Variants in TMEM45A observed in about 807,000 individuals in gnomAD.
The protein encoded by TMEM45A is DNA polymerase-transactivated protein 4.
In TMEM45A, 25 loss-of-function variants were observed where a neutral mutation model predicts 32.0. That is an observed-to-expected ratio of 0.78 (90% CI 0.57 to 1.09). TMEM45A has a LOEUF of 1.09. Among genes scored for constraint, TMEM45A ranks in the 50% least tolerant of loss-of-function variants. The probability of loss-of-function intolerance (pLI) is 0.00; values close to 1 mark genes in which losing one functional copy is unlikely to be tolerated. For missense variants in TMEM45A, 302 were observed against 325.0 expected, an observed-to-expected ratio of 0.93 and a Z score of 0.54; for synonymous variants, 122 against 114.8, an observed-to-expected ratio of 1.06 and a Z score of -0.40.
intron 1 of TMEM45A, among the ~76,000 whole-genome samples, chr3:100,496,669 A>G (rs1296839671): frequency 6.6e-6 from 1 of 152,234 alleles, no homozygotes; most frequent in Non-Finnish European, 1.5e-5. Context: ...TGTGCTCCAT[A>G]TGGAGACAGG....
intron 1 of TMEM45A, among the ~76,000 whole-genome samples, chr3:100,508,248 G>T (rs1379901935): frequency 6.6e-6 from 1 of 152,060 alleles, no homozygotes; most frequent in African/African-American, 2.4e-5. Context: ...CTCAGAGAGG[G>T]ATTTCACCAT....
At chr3:100,523,349 A>G (rs1705472105) in intron 1 of TMEM45A, among the ~76,000 whole-genome samples, 1 of 152,190 alleles carries the variant, frequency 6.6e-6, no homozygotes, top group Non-Finnish European at 1.5e-5. Flanking sequence ...TTACATTTAA[A>G]CAGAGCTATG....
In TMEM45A at chr3:100,577,234, A is replaced by G. The variant is rs1406473590; in HGVS notation, c.*216A>G. 2.3e-6 allele frequency: 1 copy of G among 440,476 alleles called. No homozygotes were observed. The highest frequency in any genetic ancestry group is 4.0e-6 in the Non-Finnish European group (1 of 248,740). The allele number at this position is 440,476 out of a possible 1,614,324, so 27.3% of individuals were successfully genotyped here. ...TACTTTCATTTTGCACATCATGCACATCATGGTATTCAGGGGCTAGAGTGA... is the reference window on the plus strand; with the variant it reads ...TACTTTCATTTTGCACATCATGCACGTCATGGTATTCAGGGGCTAGAGTGA... On this transcript the variant is annotated 3_prime_UTR_variant, in exon 6 of 6. Transcript: ENST00000323523.
intron 4 of TMEM45A, among the ~76,000 whole-genome samples, chr3:100,564,815 C>G (rs543715956): frequency 1.1e-4 from 16 of 152,268 alleles, no homozygotes; most frequent in African/African-American, 3.6e-4. Flanking sequence ...GCAGGCCAGA[C>G]AAAGCATGTC....
chr3:100,496,303 G>A (rs570596889), intron 1 of TMEM45A, among the ~76,000 whole-genome samples: 4 of 152,188 alleles, frequency 2.6e-5, no homozygotes, highest in East Asian at 3.8e-4. Flanking sequence ...CATGGAGAAC[G>A]TTCTGATGAT....
intron 4 of TMEM45A, among the ~76,000 whole-genome samples, chr3:100,565,866 A>G (rs1207335839): frequency 1.3e-5 from 2 of 152,102 alleles, no homozygotes; most frequent in African/African-American, 2.4e-5. Flanking sequence ...CATCAGCTCT[A>G]TCTGTTCCAA....
intron 5 of TMEM45A, chr3:100,573,665 TC>T (rs1706619933): frequency 6.6e-6 from 1 of 152,182 alleles, no homozygotes; most frequent in African/African-American, 2.4e-5. Flanking sequence ...AGAGAGGGCA[TC>T]CCTGTCTTGT....
chr3:100,503,882 G>A (rs1708041779), intron 1 of TMEM45A, among the ~76,000 whole-genome samples: 1 of 152,176 alleles, frequency 6.6e-6, no homozygotes. Flanking sequence ...TTTAAATACA[G>A]GGTAGCTTCA....
At chr3:100,516,118 A>T (rs1708257911) in intron 1 of TMEM45A, among the ~76,000 whole-genome samples, 1 of 152,200 alleles carries the variant, frequency 6.6e-6, no homozygotes, top group Non-Finnish European at 1.5e-5. Context: ...GTAAATATGT[A>T]CAATGATTAT....
intron 3 of TMEM45A, 63 bp from the exon 4 acceptor site, chr3:100,558,342 A>C: frequency 6.3e-7 from 1 of 1,588,480 alleles, no homozygotes; most frequent in South Asian, 1.1e-5. Flanking sequence ...AGAGAGGGAG[A>C]GAGAGAAACA....
intron 1 of TMEM45A, among the ~76,000 whole-genome samples, chr3:100,521,679 G>A (rs1314543134): frequency 6.6e-6 from 1 of 152,182 alleles, no homozygotes; most frequent in East Asian, 1.9e-4. Context: ...TTCTGTGCCA[G>A]TTGTGTTGGC....
intron 1 of TMEM45A, among the ~76,000 whole-genome samples, chr3:100,511,977 A>G (rs1292528629): frequency 1.5e-4 from 23 of 151,882 alleles, no homozygotes; most frequent in Middle Eastern, 3.2e-3. Context: ...CATAAAGCAA[A>G]TCCTGAGTGA....
chr3:100,531,717 G>C (rs1705651273), intron 1 of TMEM45A, among the ~76,000 whole-genome samples: 1 of 152,198 alleles, frequency 6.6e-6, no homozygotes, highest in African/African-American at 2.4e-5. Flanking sequence ...ATAGAGAATT[G>C]AATAGAGATT....
At chr3:100,538,563 C>CAGT (rs1420390656) in intron 1 of TMEM45A, among the ~76,000 whole-genome samples, 6 of 152,008 alleles carry the variant, frequency 3.9e-5, no homozygotes, top group Admixed American at 3.9e-4. Context: ...TTAGCTAATG[C>CAGT]AGTAATATGA....
Position 100,576,971 on chromosome 3 carries a change from C to A in TMEM45A, c.781C>A (p.Leu261Ile). 6.2e-7 allele frequency: 1 copy of A among 1,613,670 alleles called. No individual in the cohort carries two copies. Among genetic ancestry groups the A allele is most frequent in the Non-Finnish European group, 8.5e-7 (1 of 1,179,930 alleles). ...LKRLCSSEVG[L>I]LKNAEREQES... ...GAGGCTCTGCTCCTCAGAAGTTGGA[C>A]TTCTGAAAAATGCTGAACGAGAACA... The change falls in exon 6 of 6, where the codon CTT becomes ATT. Residue 261 changes from leucine to isoleucine, a missense_variant. Leu to Ile is a conservative substitution (Grantham distance 5). Coordinates refer to ENST00000323523, the MANE Select transcript of TMEM45A (RefSeq NM_018004.3).
rs202017294 is a variant in TMEM45A, at chr3:100,539,484, T to C, written c.-3-15725T>C. 2.1e-3 allele frequency among the ~76,000 whole-genome samples: 232 copies of C among 112,058 alleles called. 4 individuals carry two copies. Among genetic ancestry groups the C allele is most frequent in the Non-Finnish European group, 2.9e-3 (142 of 48,278 alleles). The allele number at this position is 112,058 out of a possible 152,430, so 73.5% of individuals were successfully genotyped here. On this transcript the variant is annotated intron_variant, in intron 1 of 5. Transcript: ENST00000323523. ...ATGTATATGTATATGTATATGTATA[T>C]GTATATGTATACGTATACGTATACG...
intron 1 of TMEM45A, among the ~76,000 whole-genome samples, chr3:100,509,108 A>G (rs955671087): frequency 9.8e-5 from 15 of 152,338 alleles, no homozygotes; most frequent in African/African-American, 3.1e-4. Flanking sequence ...AACTCCATCA[A>G]CTTAACAGAA....
chr3:100,526,352 T>C (rs1244830904), intron 1 of TMEM45A, among the ~76,000 whole-genome samples: 1 of 152,212 alleles, frequency 6.6e-6, no homozygotes, highest in Admixed American at 6.5e-5. Flanking sequence ...CCCATATTTC[T>C]ACTCTTGCCT....
chr3:100,566,911 A>G (rs1357619396), intron 4 of TMEM45A, among the ~76,000 whole-genome samples: 1 of 151,974 alleles, frequency 6.6e-6, no homozygotes, highest in Non-Finnish European at 1.5e-5. Flanking sequence ...TGATTTGCAA[A>G]TATTTTCTCT....
Sources: allele counts gnomAD v4.1 joint callset (sites outside exome capture counted in the v4.1 genomes callset), GRCh38; gene constraint gnomAD v4.1.1; transcripts MANE v1.5; gene names NCBI Gene and HGNC (gene_info 2026-07-23, HGNC 2026-07-21).